The following SLC7A2 variants were observed in gnomAD, a reference collection of about 807,000 sequenced individuals.
The protein encoded by SLC7A2 is solute carrier family 7 member 2, also known as cationic amino acid transporter 2.
A neutral mutation model predicts 58.9 loss-of-function variants in SLC7A2; 48 were observed. The observed-to-expected ratio is 0.82, with a 90% CI of 0.65 to 1.04. The LOEUF (loss-of-function observed/expected upper bound fraction) is 1.04. Ranked by LOEUF, SLC7A2 falls within the 50% of genes least tolerant of loss-of-function variation. The pLI is 0.00. For missense variants in SLC7A2, 1,029 were observed against 818.8 expected, an observed-to-expected ratio of 1.26 and a Z score of -3.13; for synonymous variants, 363 against 314.5, an observed-to-expected ratio of 1.15 and a Z score of -1.63.
intron 2 of SLC7A2, among the ~76,000 whole-genome samples, chr8:17,533,321 A>T (rs1328216214): frequency 6.6e-6 from 1 of 152,244 alleles, no homozygotes. Flanking sequence ...TATAGTTTCA[A>T]AAGTGACCAT....
intron 2 of SLC7A2, among the ~76,000 whole-genome samples, chr8:17,505,312 C>T (rs1035422943): frequency 6.6e-6 from 1 of 152,142 alleles, no homozygotes; most frequent in Admixed American, 6.5e-5. Flanking sequence ...GGAGAGAATC[C>T]TGTGAGCAGG....
At chr8:17,562,403 C>T (rs889235144) in intron 11 of SLC7A2, among the ~76,000 whole-genome samples, 1 of 151,932 alleles carries the variant, frequency 6.6e-6, no homozygotes, top group African/African-American at 2.4e-5. Context: ...TGGGATTTCA[C>T]CATGTTAGCC....
upstream of SLC7A2, chr8:17,497,019 G>A (rs1242879074): frequency 2.7e-5 from 4 of 150,494 alleles, no homozygotes; most frequent in East Asian, 7.8e-4. Flanking sequence ...GGAGGAGGCG[G>A]TGCCGCCCGG....
At chr8:17,531,354 T>C (rs1460604770) in intron 2 of SLC7A2, among the ~76,000 whole-genome samples, 1 of 152,216 alleles carries the variant, frequency 6.6e-6, no homozygotes, top group Non-Finnish European at 1.5e-5. Context: ...AGTTATAGTT[T>C]AGGTTTCGTT....
At chr8:17,541,668 A>G (rs776034731) in intron 2 of SLC7A2, among the ~76,000 whole-genome samples, 5 of 152,180 alleles carry the variant, frequency 3.3e-5, no homozygotes, top group Non-Finnish European at 4.4e-5. Flanking sequence ...ATGTTTTGGT[A>G]GACAATCCCA....
At chr8:17,494,821 A>G (rs1301789448), upstream of SLC7A2, among the ~76,000 whole-genome samples, 1 of 152,264 alleles carries the variant, frequency 6.6e-6, no homozygotes. Flanking sequence ...AAAGATATTC[A>G]GCAATCTTGT....
chr8:17,558,646 G>A (rs1288878350), intron 9 of SLC7A2, among the ~76,000 whole-genome samples: 4 of 152,178 alleles, frequency 2.6e-5, no homozygotes, highest in Non-Finnish European at 5.9e-5. Context: ...AATGTCTAAC[G>A]ACACTTAAAA....
chr8:17,496,312 A>G (rs1347432878), upstream of SLC7A2, among the ~76,000 whole-genome samples: 1 of 152,108 alleles, frequency 6.6e-6, no homozygotes, highest in Non-Finnish European at 1.5e-5. Context: ...ACAGAGTGAG[A>G]CCCTGTCTCT....
chr8:17,505,838 C>T (rs1422665343), intron 2 of SLC7A2, among the ~76,000 whole-genome samples: 1 of 152,104 alleles, frequency 6.6e-6, no homozygotes, highest in East Asian at 1.9e-4. Flanking sequence ...TTGAGTAGAA[C>T]TGAATCATAC....
intron 2 of SLC7A2, among the ~76,000 whole-genome samples, chr8:17,512,593 A>T (rs541376817): frequency 1.8e-4 from 26 of 147,800 alleles, no homozygotes; most frequent in Middle Eastern, 3.5e-3. Context: ...AGTGAAAAAT[A>T]TATAACCTTT....
At chr8:17,562,471 C>T (rs1027297825) in intron 11 of SLC7A2, among the ~76,000 whole-genome samples, 2 of 151,968 alleles carry the variant, frequency 1.3e-5, no homozygotes, top group African/African-American at 4.8e-5. Context: ...TCCAAAAGTG[C>T]TGGGATTATA....
At chr8:17,520,640 T>TTAAAA (rs1800977275) in intron 2 of SLC7A2, 2 of 44,598 alleles carry the variant, frequency 4.5e-5, no homozygotes, top group African/African-American at 1.4e-4. Flanking sequence ...GACTCTGTCT[T>TTAAAA]TAAAAAAAAA....
In SLC7A2 at chr8:17,562,011, C is replaced by A. The variant is rs374647898; in HGVS notation, c.1572C>A (p.Ala524=). 6.2e-7 allele frequency: 1 copy of A among 1,613,944 alleles called. No homozygotes were observed. Among genetic ancestry groups the A allele is most frequent in the Non-Finnish European group, 8.5e-7 (1 of 1,179,978 alleles). The change falls in exon 11 of 13, where the codon GCC becomes GCA. Residue 524 remains alanine (A), a synonymous_variant. Coordinates refer to ENST00000494857, the MANE Select transcript of SLC7A2 (RefSeq NM_001370338.1). The part of the protein sequence containing the change: ...YGVHAITRLE[A]WSLALLALFL... ...TTCATGCCATCACCAGGCTGGAGGC[C>A]TGGAGCCTCGCTCTCCTCGCGCTGT...
chr8:17,528,394 G>T (rs1379200368), intron 2 of SLC7A2, among the ~76,000 whole-genome samples: 1 of 151,756 alleles, frequency 6.6e-6, no homozygotes, highest in African/African-American at 2.4e-5. Context: ...TTGTTTATTT[G>T]TTTTTTTAGA....
chr8:17,554,438 A>G (rs1361799648), intron 7 of SLC7A2, 122 bp from the exon 8 acceptor site: 6 of 743,196 alleles, frequency 8.1e-6, no homozygotes, highest in African/African-American at 1.8e-5. Context: ...TTATTAATAT[A>G]AATAATATGA....
chr8:17,554,778 T>C, intron 8 of SLC7A2, 79 bp downstream of exon 8: 1 of 1,473,816 alleles, frequency 6.8e-7, no homozygotes, highest in Non-Finnish European at 9.1e-7. Context: ...CAAAGCTAGG[T>C]GGTTTTCTTT....
At chr8:17,504,323 C>A (rs1260856960) in intron 2 of SLC7A2, among the ~76,000 whole-genome samples, 1 of 152,146 alleles carries the variant, frequency 6.6e-6, no homozygotes, top group Non-Finnish European at 1.5e-5. Flanking sequence ...GACCACTGGT[C>A]AGTTTCTTAT....
intron 2 of SLC7A2, among the ~76,000 whole-genome samples, chr8:17,525,130 T>C (rs538270865): frequency 2.4e-4 from 37 of 152,300 alleles, no homozygotes; most frequent in African/African-American, 7.5e-4. Context: ...CCTTGACTTC[T>C]TAAGTTGAAT....
intron 2 of SLC7A2, among the ~76,000 whole-genome samples, chr8:17,509,615 T>G (rs1343175486): frequency 6.6e-6 from 1 of 152,096 alleles, no homozygotes. Context: ...AATTTCTTTA[T>G]TATTATTAAG....
Sources: allele counts gnomAD v4.1 joint callset (sites outside exome capture counted in the v4.1 genomes callset), GRCh38; gene constraint gnomAD v4.1.1; transcripts MANE v1.5; gene names NCBI Gene and HGNC (gene_info 2026-07-23, HGNC 2026-07-21).